TEX52: variants seen among roughly 807,000 people sequenced by gnomAD.
TEX52 encodes testis expressed 52, also known as testis-expressed protein 52.
A neutral mutation model predicts 17.6 loss-of-function variants in TEX52; 22 were observed. The ratio of observed to expected loss-of-function variants is 1.25; its 90% confidence interval spans 0.89 to 1.78. TEX52 has a LOEUF of 1.78. TEX52 is among the 40% of genes most tolerant of loss of function. TEX52 has a pLI of 0.00. For missense variants in TEX52, 396 were observed against 372.3 expected (o/e 1.06, Z -0.52); for synonymous variants, 168 against 147.4 (o/e 1.14, Z -1.01).
Position 2,854,296 on chromosome 12 carries a change from A to G in TEX52, c.623+600T>C, listed in dbSNP as rs558134758. On this transcript the variant is annotated intron_variant, in intron 2 of 2. Coordinates refer to ENST00000637658, the MANE Select transcript of TEX52 (RefSeq NM_001365174.2). ...CGCCTCGGCCTCCTAAAGTTCTGGG[A>G]TTACAGGCGTGAGCCACCACGCCCT... is the stretch of plus-strand genomic sequence containing the variant. 1.6e-3 allele frequency among the ~76,000 whole-genome samples: 249 copies of G among 152,336 alleles called. 1 individual carries two copies. The highest frequency in any genetic ancestry group is 8.5e-3 in the South Asian group (41 of 4,824).
intron 2 of TEX52, among the ~76,000 whole-genome samples, chr12:2,852,567 A>G (rs554695817): frequency 4.0e-5 from 6 of 151,884 alleles, no homozygotes; most frequent in Non-Finnish European, 8.8e-5. Context: ...GGGGTCTCAT[A>G]TGGTGCCCCA....
At chr12:2,848,628 C>T (rs1474355073), downstream of TEX52, among the ~76,000 whole-genome samples, 2 of 152,122 alleles carry the variant, frequency 1.3e-5, no homozygotes, top group Non-Finnish European at 1.5e-5. Flanking sequence ...CCAGCACCAG[C>T]CCTGACCTGA....
At chr12:2,849,886 TC>T (rs1170806060) in intron 2 of TEX52, among the ~76,000 whole-genome samples, 2 of 152,212 alleles carry the variant, frequency 1.3e-5, no homozygotes, top group Non-Finnish European at 2.9e-5. Flanking sequence ...AGAACTCAGC[TC>T]AACTGGATAA....
chr12:2,856,519 C>A (rs961133316), intron 1 of TEX52, among the ~76,000 whole-genome samples: 2 of 152,170 alleles, frequency 1.3e-5, no homozygotes, highest in African/African-American at 4.8e-5. Context: ...GCGCGTGCCA[C>A]CATGCCTGGC....
intron 2 of TEX52, among the ~76,000 whole-genome samples, chr12:2,852,332 G>C (rs1407382641): frequency 6.6e-6 from 1 of 152,022 alleles, no homozygotes; most frequent in Non-Finnish European, 1.5e-5. Context: ...TGTGCCATTT[G>C]ACCCTCTAAC....
At position 2,852,557 on chromosome 12, in the gene TEX52, G is replaced by A. The variant is rs116763777; in HGVS notation, c.623+2339C>T. ...AATTTTTTGATATTTTTGTGGAGACGGGGTCTCATATGGTGCCCCAGGCTG... is the reference window on the plus strand; with the variant it reads ...AATTTTTTGATATTTTTGTGGAGACAGGGTCTCATATGGTGCCCCAGGCTG... On this transcript the variant is annotated intron_variant, in intron 2 of 2. Coordinates refer to ENST00000637658, the MANE Select transcript of TEX52 (RefSeq NM_001365174.2). Among the ~76,000 whole-genome samples the A allele has an allele frequency of 7.4e-3, 1,132 of 152,042 alleles. 24 individuals are homozygous for A. The highest frequency in any genetic ancestry group is 0.025 in the African/African-American group (1,027 of 41,470).
chr12:2,854,197 G>A (rs1423817822), intron 2 of TEX52, among the ~76,000 whole-genome samples: 1 of 151,908 alleles, frequency 6.6e-6, no homozygotes, highest in African/African-American at 2.4e-5. Context: ...GGCTAATTTT[G>A]TATTTTTAGT....
chr12:2,852,355 C>T (rs1482787520), intron 2 of TEX52, among the ~76,000 whole-genome samples: 1 of 151,976 alleles, frequency 6.6e-6, no homozygotes, highest in Non-Finnish European at 1.5e-5. Context: ...CCTTAACCAC[C>T]TGCTGTGGGA....
At chr12:2,854,078 T>G (rs550872088) in intron 2 of TEX52, among the ~76,000 whole-genome samples, 3 of 152,256 alleles carry the variant, frequency 2.0e-5, no homozygotes, top group Admixed American at 2.0e-4. Context: ...CCGGCTGGAG[T>G]GCAATGGCAC....
chr12:2,851,819 C>T (rs2098072036), intron 2 of TEX52, among the ~76,000 whole-genome samples: 1 of 152,112 alleles, frequency 6.6e-6, no homozygotes, highest in Non-Finnish European at 1.5e-5. Context: ...GCTGGGATTA[C>T]AGGCATGTGC....
intron 2 of TEX52, among the ~76,000 whole-genome samples, chr12:2,852,634 G>A (rs2098074703): frequency 1.3e-5 from 2 of 151,956 alleles, no homozygotes; most frequent in African/African-American, 4.8e-5. Flanking sequence ...CAAAGTGTTG[G>A]GATTACAGGC....
chr12:2,848,890 C>CAG, downstream of TEX52: 1 of 319,220 alleles, frequency 3.1e-6, no homozygotes, highest in South Asian at 3.8e-5. Context: ...CACACACACA[C>CAG]ACACACACAC....
At chr12:2,849,036 C>T (rs960872853), downstream of TEX52, 1 of 622,864 alleles carries the variant, frequency 1.6e-6, no homozygotes, top group Non-Finnish European at 2.7e-6. Context: ...AGAAATATAA[C>T]AATTTAGAAT....
intron 2 of TEX52, among the ~76,000 whole-genome samples, chr12:2,852,880 T>C (rs1275021117): frequency 6.6e-6 from 1 of 151,964 alleles, no homozygotes; most frequent in Non-Finnish European, 1.5e-5. Context: ...GAGCCTGTAA[T>C]CCCAGCTACT....
In TEX52 at chr12:2,856,369, T is replaced by C. The variant is rs2098087269; in HGVS notation, c.72+586A>G. Among the ~76,000 whole-genome samples the C allele has an allele frequency of 2.0e-5, 3 of 152,234 alleles. No individual in the cohort carries two copies. The South Asian group carries it at 6.2e-4, about 32-fold the overall frequency. ...TCGCCCTCCTATCCATCCCCAGGGA[T>C]GTTTTCTTTTTTTAGATGGAGTTTC... On this transcript the variant is annotated intron_variant, in intron 1 of 2. Transcript: ENST00000637658.
In TEX52 at chr12:2,855,165, G is replaced by C. The variant is rs1416396989; in HGVS notation, c.354C>G (p.Ser118Arg). ...FPTQPDRPYD[S>R]NVWRWLTDSN... The stretch of plus-strand genomic sequence containing the variant: ...AGTCGGTCAGCCAGCGCCAGACATT[G>C]CTATCGTAGGGCCTGTCAGGCTGGG... The change falls in exon 2 of 3, where the codon AGC becomes AGG. Residue 118 changes from serine (S) to arginine (R), a missense_variant. Ser to Arg is a moderately radical substitution (Grantham distance 110). Coordinates refer to ENST00000637658, the MANE Select transcript of TEX52 (RefSeq NM_001365174.2). The C allele has an allele frequency of 2.6e-6, 4 of 1,522,524 alleles. No homozygotes were observed. In the African/African-American group the frequency reaches 5.5e-5, roughly 21 times the overall value. 94.3% of individuals were successfully genotyped at this position (1,522,524 alleles called of 1,614,324 possible).
chr12:2,850,239 G>T (rs925524553), intron 2 of TEX52, among the ~76,000 whole-genome samples: 2 of 152,100 alleles, frequency 1.3e-5, no homozygotes, highest in Admixed American at 6.6e-5. Flanking sequence ...ACTTTGGGAG[G>T]CCGAGGCGGG....
rs1258377240 is a variant in TEX52 at position 2,849,314 on chromosome 12, C to T, written c.835G>A (p.Ala279Thr). 6.5e-7 allele frequency: 1 copy of T among 1,536,106 alleles called. No homozygotes were observed. Among genetic ancestry groups the T allele is most frequent in the East Asian group, 2.4e-5 (1 of 40,912 alleles). ...TTGGAGAGATGGTGGAGGGGTAAGGCAGTTCTGTCCTTTATCAGGGTTTGG... is the reference window on the plus strand; with the variant it reads ...TTGGAGAGATGGTGGAGGGGTAAGGTAGTTCTGTCCTTTATCAGGGTTTGG... ...DFQTLIKDRTALPLHHLSKAQ... is the reference protein window; with the variant it reads ...DFQTLIKDRTTLPLHHLSKAQ... The change falls in exon 3 of 3, where the codon GCC (alanine) becomes ACC (threonine). Residue 279 changes from alanine to threonine, a missense_variant. Coordinates refer to ENST00000637658, the MANE Select transcript of TEX52 (RefSeq NM_001365174.2).
intron 1 of TEX52, among the ~76,000 whole-genome samples, chr12:2,855,690 T>A (rs905974822): frequency 1.3e-5 from 2 of 152,184 alleles, no homozygotes; most frequent in African/African-American, 4.8e-5. Flanking sequence ...TATTTTGGCT[T>A]TGACTTCCCA....
Sources: gnomAD v4.1 joint callset for allele counts (sites outside exome capture counted in the v4.1 genomes callset) on GRCh38, gnomAD v4.1.1 for gene constraint, MANE v1.5 for transcripts, NCBI Gene and HGNC (gene_info 2026-07-23, HGNC 2026-07-21) for gene names.